The following FAM107A variants were observed in gnomAD, a reference collection of about 807,000 sequenced individuals.
FAM107A encodes family with sequence similarity 107 member A.
In FAM107A, 19 loss-of-function variants were observed where a neutral mutation model predicts 13.7. That is an observed-to-expected ratio of 1.38 (90% CI 0.97 to 2.03). FAM107A has a LOEUF of 2.03. Ranked by LOEUF, FAM107A falls within the 30% of genes most tolerant of loss-of-function variation. FAM107A has a pLI of 0.00. For synonymous variants in FAM107A, 82 were observed against 74.5 expected (o/e 1.10, Z -0.52); for missense variants, 203 against 184.4 (o/e 1.10, Z -0.58).
intron 1 of FAM107A, among the ~76,000 whole-genome samples, chr3:58,573,220 C>T (rs2063701267): frequency 6.6e-6 from 1 of 152,266 alleles, no homozygotes; most frequent in Middle Eastern, 3.4e-3. Context: ...CAGCAAACAA[C>T]CCCTGTGAGA....
Position 58,569,664 on chromosome 3 carries a change from G to A in FAM107A, c.170+27C>T. 3 of 1,593,134 alleles carry A rather than the reference G, an allele frequency of 1.9e-6. No individual in the cohort carries two copies. The highest frequency in any genetic ancestry group is 2.2e-5 in the East Asian group (1 of 44,486). ...CCCCACAGGCCCAGGTGCTTGCGGG[G>A]CCCAGGCAGCAGGGCTTCATCCCTA... On this transcript the variant is annotated intron_variant, in intron 2 of 3. Coordinates refer to ENST00000360997, the MANE Select transcript of FAM107A (RefSeq NM_001076778.3). The surrounding 1 kb of genome is among the most constrained non-coding windows in gnomAD (Gnocchi z 5.7).
In FAM107A at chr3:58,617,604, A is replaced by C. The variant is rs775229614; in HGVS notation, c.-70+9812T>G. ...AGTTTGGGAGACACAGTGTTCTGAA[A>C]GCCGATCCCTGGGGCCCAGGGAGGG... On this transcript the variant is annotated intron_variant, in intron 1 of 3. Coordinates refer to the FAM107A transcript ENST00000465970. The surrounding 1 kb of genome is among the most constrained non-coding windows in gnomAD (Gnocchi z 4.5). Among the ~76,000 whole-genome samples, 1 of 152,138 alleles carries C rather than the reference A, an allele frequency of 6.6e-6. No homozygotes were observed. Among genetic ancestry groups the C allele is most frequent in the Non-Finnish European group, 1.5e-5 (1 of 68,026 alleles).
At chr3:58,583,330 G>T (rs2065568328) in intron 1 of FAM107A, among the ~76,000 whole-genome samples, 1 of 151,922 alleles carries the variant, frequency 6.6e-6, no homozygotes, top group South Asian at 2.1e-4. Context: ...CTAATATTAA[G>T]AAATTATTTT....
intron 1 of FAM107A, among the ~76,000 whole-genome samples, chr3:58,602,158 T>G (rs1341330258): frequency 6.6e-6 from 1 of 152,146 alleles, no homozygotes; most frequent in East Asian, 1.9e-4. Flanking sequence ...TGCCAATGAC[T>G]GGACAAGGGC....
At chr3:58,570,936 G>T (rs2063677430) in intron 1 of FAM107A, among the ~76,000 whole-genome samples, 1 of 152,254 alleles carries the variant, frequency 6.6e-6, no homozygotes, top group African/African-American at 2.4e-5. Flanking sequence ...AACTGAGGGA[G>T]TGTGTCCCCA....
upstream of FAM107A, among the ~76,000 whole-genome samples, chr3:58,587,591 A>G (rs932740830): frequency 6.6e-6 from 1 of 151,808 alleles, no homozygotes; most frequent in Admixed American, 6.6e-5. Flanking sequence ...TGTCACAAGT[A>G]TCGTGGGGTG....
intron 1 of FAM107A, among the ~76,000 whole-genome samples, chr3:58,616,974 G>C (rs2065907821): frequency 6.6e-6 from 1 of 152,154 alleles, no homozygotes; most frequent in South Asian, 2.1e-4. Context: ...GGGTTTCACT[G>C]TGTTAGCCAG....
intron 1 of FAM107A, chr3:58,627,118 C>T (rs1413605345): frequency 2.5e-5 from 23 of 915,606 alleles, no homozygotes; most frequent in East Asian, 5.3e-5. Flanking sequence ...TGTCCTCTTG[C>T]GGCTCATTCT....
rs116376999 is a variant in FAM107A, at chr3:58,618,569, C to T, written c.-70+8847G>A. Among the ~76,000 whole-genome samples the T allele has an allele frequency of 4.0e-3, 604 of 152,264 alleles. 1 individual carries two copies. Among genetic ancestry groups the T allele is most frequent in the Non-Finnish European group, 6.0e-3 (407 of 68,036 alleles). ...CGAATATTTTATTCTTATTCGTGAA[C>T]GAGGAAGATTGGATTAGGAGGAGGT... On this transcript the variant is annotated intron_variant, in intron 1 of 3. Transcript: ENST00000465970.
At chr3:58,616,813 A>G (rs1369497822) in intron 1 of FAM107A, among the ~76,000 whole-genome samples, 1 of 151,890 alleles carries the variant, frequency 6.6e-6, no homozygotes, top group Admixed American at 6.6e-5. Flanking sequence ...TTGCTCTGTC[A>G]CCCAGGCTGG....
intron 1 of FAM107A, among the ~76,000 whole-genome samples, chr3:58,611,075 T>C (rs1291664454): frequency 6.6e-6 from 1 of 152,220 alleles, no homozygotes; most frequent in Admixed American, 6.5e-5. Context: ...GCACTTCTCC[T>C]CCATGTCACC....
At chr3:58,611,087 T>C (rs545419745) in intron 1 of FAM107A, among the ~76,000 whole-genome samples, 1 of 152,352 alleles carries the variant, frequency 6.6e-6, no homozygotes, top group East Asian at 1.9e-4. Flanking sequence ...CATGTCACCT[T>C]GTGAAGAAAG....
intron 1 of FAM107A, among the ~76,000 whole-genome samples, chr3:58,610,970 T>TG (rs2065848416): frequency 6.6e-6 from 1 of 151,954 alleles, no homozygotes; most frequent in Non-Finnish European, 1.5e-5. Context: ...GTTGATTGGA[T>TG]CATGGGGGCT....
chr3:58,567,753 T>C (rs1479454481), intron 2 of FAM107A, among the ~76,000 whole-genome samples: 1 of 152,216 alleles, frequency 6.6e-6, no homozygotes, highest in Non-Finnish European at 1.5e-5. Context: ...CAGTGTATCC[T>C]CCTCTGAACA....
intron 1 of FAM107A, among the ~76,000 whole-genome samples, chr3:58,585,947 A>C (rs929400899): frequency 7.9e-5 from 12 of 152,360 alleles, no homozygotes; most frequent in African/African-American, 2.4e-4. Context: ...GCAAACAAGC[A>C]AACAAAAAGA....
rs547266047 is a variant in FAM107A at position 58,625,238 on chromosome 3, G to A, written c.-70+2178C>T. Among the ~76,000 whole-genome samples the A allele has an allele frequency of 1.4e-4, 22 of 152,178 alleles. No individual in the cohort carries two copies. In the East Asian group the frequency reaches 3.7e-3, roughly 25 times the overall value. On this transcript the variant is annotated intron_variant, in intron 1 of 3. Coordinates refer to the FAM107A transcript ENST00000465970. ...TCTGGCCATGACGGGATGGGAGGTC[G>A]CACGTGCCCCGTAGTGTGCCATCCC...
chr3:58,595,252 A>G (rs2065688215), intron 1 of FAM107A, among the ~76,000 whole-genome samples: 1 of 152,030 alleles, frequency 6.6e-6, no homozygotes, highest in African/African-American at 2.4e-5. Context: ...TTTCTTATTA[A>G]TATAAGAAGA....
At chr3:58,610,498 A>G (rs1454642645) in intron 1 of FAM107A, among the ~76,000 whole-genome samples, 1 of 152,124 alleles carries the variant, frequency 6.6e-6, no homozygotes, top group Non-Finnish European at 1.5e-5. Context: ...CTGCCTTGGT[A>G]TAGATCTCTA....
At chr3:58,573,089 A>C (rs2063700266) in intron 1 of FAM107A, among the ~76,000 whole-genome samples, 1 of 152,060 alleles carries the variant, frequency 6.6e-6, no homozygotes, top group Non-Finnish European at 1.5e-5. Context: ...GGATGATGGT[A>C]TTTCCCTGAG....
Sources: gnomAD v4.1 joint callset for allele counts (sites outside exome capture counted in the v4.1 genomes callset) on GRCh38, gnomAD v4.1.1 for gene constraint, Gnocchi (gnomAD v3.1) non-coding constraint, MANE v1.5 for transcripts, NCBI Gene and HGNC (gene_info 2026-07-23, HGNC 2026-07-21) for gene names.